Variants in ZNF492 observed in about 807,000 individuals in gnomAD.
ZNF492 encodes the protein zinc finger protein 492, also known as zinc finger protein 115 (Y20).
Under a neutral mutation model 6.4 loss-of-function variants are expected in ZNF492, and 3 were observed. The ratio of observed to expected loss-of-function variants is 0.47; its 90% CI spans 0.21 to 1.22. ZNF492 has a LOEUF of 1.22. Among genes scored for constraint, ZNF492 ranks in the 50% most tolerant of loss-of-function variants. ZNF492 has a pLI of 0.22. For missense variants in ZNF492, 356 were observed against 612.5 expected (o/e 0.58, Z 4.42); for synonymous variants, 112 against 205.3 (o/e 0.55, Z 3.89).
intron 3 of ZNF492, among the ~76,000 whole-genome samples, chr19:22,655,303 A>G (rs1354254233): frequency 6.6e-6 from 1 of 152,150 alleles, no homozygotes; most frequent in East Asian, 1.9e-4. Flanking sequence ...TCAAAAAAAA[A>G]AAAATTCTTT....
chr19:22,639,359 A>G (rs568549578), intron 1 of ZNF492, among the ~76,000 whole-genome samples: 76 of 152,114 alleles, frequency 5.0e-4, no homozygotes, highest in African/African-American at 1.8e-3. Flanking sequence ...GGATGCTACT[A>G]ATTTTTGTAC....
chr19:22,639,181 A>G (rs1437552685), intron 1 of ZNF492, among the ~76,000 whole-genome samples: 1 of 151,910 alleles, frequency 6.6e-6, no homozygotes, highest in Non-Finnish European at 1.5e-5. Flanking sequence ...ATGGTTTTCC[A>G]TTTGTTTGTG....
At chr19:22,659,667 G>GTT (rs758637692) in intron 3 of ZNF492, among the ~76,000 whole-genome samples, 5 of 101,864 alleles carry the variant, frequency 4.9e-5, no homozygotes, top group Non-Finnish European at 6.7e-5. Flanking sequence ...TTTTTTTGTT[G>GTT]TTTTTTTTTT....
intron 2 of ZNF492, 23 bp from the exon 3 acceptor site, chr19:22,653,897 T>G: frequency 6.4e-7 from 1 of 1,569,040 alleles, no homozygotes; most frequent in Non-Finnish European, 8.6e-7. Flanking sequence ...TGAGCAAGAT[T>G]CATGTTATTT....
At chr19:22,662,348 G>A (rs1972067911) in intron 3 of ZNF492, among the ~76,000 whole-genome samples, 1 of 152,154 alleles carries the variant, frequency 6.6e-6, no homozygotes, top group African/African-American at 2.4e-5. Context: ...GGACATTTGG[G>A]TTGGTTCCAA....
At position 22,667,419 on chromosome 19, in the gene ZNF492, A is replaced by G. The variant is rs566487415; in HGVS notation, c.*2154A>G. Reference sequence around the variant, plus strand: ...TACTTTTGTTAGTTTTTTCAGGCATATAATATTTATGTTATATATGGCATA... The same window carrying G: ...TACTTTTGTTAGTTTTTTCAGGCATGTAATATTTATGTTATATATGGCATA... On this transcript the variant is annotated 3_prime_UTR_variant, in exon 4 of 4. Coordinates refer to ENST00000456783, the MANE Select transcript of ZNF492 (RefSeq NM_020855.3). 5.9e-5 allele frequency: 9 copies of G among 152,122 alleles called. No homozygotes were observed. Among genetic ancestry groups the G allele is most frequent in the African/African-American group, 2.2e-4 (9 of 41,506 alleles). The allele number at this position is 152,122 out of a possible 1,614,324, so 9.4% of individuals were successfully genotyped here. A position where few individuals can be genotyped will look rare whatever the true frequency, so the allele number is the denominator to read the frequency against.
intron 1 of ZNF492, among the ~76,000 whole-genome samples, chr19:22,652,760 T>C (rs1200255651): frequency 6.6e-6 from 1 of 151,976 alleles, no homozygotes; most frequent in Non-Finnish European, 1.5e-5. Context: ...TTTGTATTTT[T>C]AGTAGAGACA....
chr19:22,634,875 A>G (rs889814612), intron 1 of ZNF492, among the ~76,000 whole-genome samples: 1 of 152,122 alleles, frequency 6.6e-6, no homozygotes, highest in Non-Finnish European at 1.5e-5. Flanking sequence ...TTCTTCTATT[A>G]AAAATTTATG....
At chr19:22,639,668 G>A (rs1319963149) in intron 1 of ZNF492, among the ~76,000 whole-genome samples, 5 of 146,178 alleles carry the variant, frequency 3.4e-5, no homozygotes, top group Admixed American at 7.0e-5. Flanking sequence ...CCAAGATCGC[G>A]CCACCGCACC....
At chr19:22,647,611 T>TA (rs1025855482) in intron 1 of ZNF492, among the ~76,000 whole-genome samples, 26 of 151,574 alleles carry the variant, frequency 1.7e-4, no homozygotes, top group African/African-American at 6.1e-4. Context: ...TCATTGATTT[T>TA]TTTTTGAGGG....
chr19:22,638,013 C>G lies in ZNF492; in HGVS notation c.-94+3539C>G, dbSNP rs577740527. Among the ~76,000 whole-genome samples, 526 of 152,288 alleles carry G rather than the reference C, an allele frequency of 3.5e-3. 6 individuals carry two copies. The Middle Eastern group carries it at 0.054, about 16-fold the overall frequency. On this transcript the variant is annotated intron_variant, in intron 1 of 3. Transcript: ENST00000456783. ...TTATGCTCGTTAACCACATGTATGTCTTCTTCGAAGAAAACACCCTTTTCA... is the reference window on the plus strand; with the variant it reads ...TTATGCTCGTTAACCACATGTATGTGTTCTTCGAAGAAAACACCCTTTTCA...
In ZNF492 at chr19:22,634,464, G is replaced by T; in HGVS notation, c.-104G>T. 3 of 1,382,300 alleles carry T rather than the reference G, an allele frequency of 2.2e-6. No homozygotes were observed. The highest frequency in any genetic ancestry group is 3.0e-6 in the Non-Finnish European group (3 of 989,490). 85.6% of individuals were successfully genotyped at this position (1,382,300 alleles called of 1,614,324 possible). ...GCTAAGACGCTAGGACCCCCTGGAA[G>T]CCTAGAAACGGTGAGAGTGCCGGGT... On this transcript the variant is annotated 5_prime_UTR_variant, in exon 1 of 4. Coordinates refer to ENST00000456783, the MANE Select transcript of ZNF492 (RefSeq NM_020855.3).
At chr19:22,659,674 T>G (rs1189925536) in intron 3 of ZNF492, among the ~76,000 whole-genome samples, 7 of 149,002 alleles carry the variant, frequency 4.7e-5, no homozygotes, top group African/African-American at 9.9e-5. Context: ...GTTGTTTTTT[T>G]TTTTTTTTTG....
At chr19:22,662,208 TG>T (rs1291290456) in intron 3 of ZNF492, among the ~76,000 whole-genome samples, 1 of 152,146 alleles carries the variant, frequency 6.6e-6, no homozygotes, top group African/African-American at 2.4e-5. Flanking sequence ...CTTGTGATAG[TG>T]TGCTCAGAAT....
intron 1 of ZNF492, among the ~76,000 whole-genome samples, chr19:22,647,257 G>GTTTTTTTTTTTTTTTTTTTTTTT (rs777750378): frequency 7.1e-6 from 1 of 140,274 alleles, no homozygotes. Context: ...TTTGTTTGTT[G>GTTTTTTTTTTTTTTTTTTTTTTT]TTGTTTTTTT....
At chr19:22,636,103 A>T (rs571983715) in intron 1 of ZNF492, among the ~76,000 whole-genome samples, 12,029 of 146,566 alleles carry the variant, frequency 0.082, 1,580 homozygotes, top group African/African-American at 0.28. Flanking sequence ...TTACTTAAAT[A>T]TTTTTTTTTT....
chr19:22,663,754 G>T (rs375157341), intron 3 of ZNF492, 46 bp from the exon 4 acceptor site: 1 of 1,436,532 alleles, frequency 7.0e-7, no homozygotes, highest in East Asian at 2.5e-5. Flanking sequence ...AAGTACATTC[G>T]TCTGAGTCAG....
At chr19:22,637,996 G>A (rs12979848) in intron 1 of ZNF492, among the ~76,000 whole-genome samples, 29,483 of 151,980 alleles carry the variant, frequency 0.19, 3,730 homozygotes, top group African/African-American at 0.37. Context: ...TTTTATGCTC[G>A]TTAACCACAT....
Position 22,666,373 on chromosome 19 carries a change from T to A in ZNF492, c.*1108T>A, listed in dbSNP as rs1177597811. The stretch of plus-strand genomic sequence containing the variant: ...GCGTGGCTAAATTTTGTATTTTTAA[T>A]AGAGCCAGGGTTTTGCCATGTTGGC... On this transcript the variant is annotated 3_prime_UTR_variant, in exon 4 of 4. Transcript: ENST00000456783. 1 of 152,042 alleles carries A rather than the reference T, an allele frequency of 6.6e-6. No homozygotes were observed. The highest frequency in any genetic ancestry group is 2.4e-5 in the African/African-American group (1 of 41,392). The allele number at this position is 152,042 out of a possible 1,614,324, so 9.4% of individuals were successfully genotyped here.
Sources: gnomAD v4.1 joint callset for allele counts (sites outside exome capture counted in the v4.1 genomes callset) on GRCh38, gnomAD v4.1.1 for gene constraint, MANE v1.5 for transcripts, NCBI Gene and HGNC (gene_info 2026-07-23, HGNC 2026-07-21) for gene names.